The following BPIFB1 variants were observed in gnomAD, a reference collection of about 807,000 sequenced individuals.
BPIFB1 encodes BPI fold-containing family B member 1.
A neutral mutation model predicts 55.1 loss-of-function variants in BPIFB1; 34 were observed. The ratio of observed to expected loss-of-function variants is 0.62; its 90% confidence interval spans 0.47 to 0.82. The LOEUF (loss-of-function observed/expected upper bound fraction) is 0.82. Among genes scored for constraint, BPIFB1 ranks in the 40% least tolerant of loss-of-function variants. BPIFB1 has a pLI of 0.00. For synonymous variants in BPIFB1, 236 were observed against 245.3 expected, an observed-to-expected ratio of 0.96 and a Z score of 0.35; for missense variants, 532 against 593.1, an observed-to-expected ratio of 0.90 and a Z score of 1.07.
At chr20:33,305,613 G>A (rs905480846) in intron 13 of BPIFB1, among the ~76,000 whole-genome samples, 6 of 152,108 alleles carry the variant, frequency 3.9e-5, no homozygotes, top group East Asian at 1.9e-4. Flanking sequence ...CACCATGCCC[G>A]GTGACTAATA....
At chr20:33,302,877 G>A in intron 10 of BPIFB1, 39 bp from the exon 11 acceptor site, 1 of 1,607,994 alleles carries the variant, frequency 6.2e-7, no homozygotes, top group South Asian at 1.1e-5. Flanking sequence ...GCCATGGTGG[G>A]CACTTGGGAG....
intron 7 of BPIFB1, chr20:33,298,965 A>G: frequency 3.0e-6 from 1 of 329,086 alleles, no homozygotes; most frequent in Admixed American, 4.5e-5. Context: ...GACCTTATTG[A>G]CTTTAATATA....
rs553230398 is a variant in BPIFB1, at chr20:33,304,706, G to A, written c.1209-140G>A. 74 of 667,888 alleles carry A rather than the reference G, an allele frequency of 1.1e-4. 1 individual carries two copies. Among genetic ancestry groups the A allele is most frequent in the African/African-American group, 9.3e-4 (51 of 55,068 alleles). 41.4% of individuals were successfully genotyped at this position (667,888 alleles called of 1,614,324 possible). ...CCTGCCATTAGAATGCAAGCTCCAC[G>A]ACGCAAGGGCTTCATGTGGTTCACT... On this transcript the variant is annotated intron_variant, in intron 12 of 15. Transcript: ENST00000253354.
chr20:33,307,496 G>A (rs1432653015), intron 15 of BPIFB1: 2 of 163,774 alleles, frequency 1.2e-5, no homozygotes, highest in Admixed American at 6.1e-5. Context: ...GGCCAGGGAG[G>A]GCCTCTCTGA....
At chr20:33,290,887 G>C in intron 4 of BPIFB1, 70 bp from the exon 5 acceptor site, 1 of 1,549,458 alleles carries the variant, frequency 6.5e-7, no homozygotes, top group Non-Finnish European at 8.8e-7. Flanking sequence ...GGAAGACAGA[G>C]ACGGACGGCA....
chr20:33,294,782 G>A (rs748821009), intron 6 of BPIFB1, among the ~76,000 whole-genome samples: 1 of 152,202 alleles, frequency 6.6e-6, no homozygotes, highest in Non-Finnish European at 1.5e-5. Flanking sequence ...AACAATGTGT[G>A]AAAGCCGGCA....
At chr20:33,284,845 C>G (rs573666367) in intron 1 of BPIFB1, among the ~76,000 whole-genome samples, 3 of 152,222 alleles carry the variant, frequency 2.0e-5, no homozygotes, top group Non-Finnish European at 2.9e-5. Context: ...CCAAGCTCCT[C>G]TCCCTGGCAT....
At chr20:33,302,297 G>T (rs1005015190) in intron 9 of BPIFB1, 62 bp from the exon 10 acceptor site, 6 of 1,544,380 alleles carry the variant, frequency 3.9e-6, no homozygotes, top group Non-Finnish European at 5.4e-6. Context: ...CAGCAGTGGG[G>T]TGCAGGAGAT....
intron 11 of BPIFB1, 123 bp from the exon 12 acceptor site, chr20:33,303,835 A>G: frequency 1.1e-6 from 1 of 931,216 alleles, no homozygotes; most frequent in Non-Finnish European, 1.7e-6. Flanking sequence ...GAGAGGTCAA[A>G]CCCTTTGCCA....
chr20:33,298,033 A>C (rs1244315485), intron 7 of BPIFB1, among the ~76,000 whole-genome samples: 1 of 152,154 alleles, frequency 6.6e-6, no homozygotes, highest in Non-Finnish European at 1.5e-5. Context: ...ATGCATGCTA[A>C]ATGGATGGAT....
At chr20:33,301,504 A>G in intron 9 of BPIFB1, 92 bp downstream of exon 9, 2 of 1,247,364 alleles carry the variant, frequency 1.6e-6, no homozygotes, top group Non-Finnish European at 2.3e-6. Context: ...GGAATCCTCC[A>G]TCAGGCTCAG....
chr20:33,294,865 A>C (rs1360480239), intron 6 of BPIFB1, among the ~76,000 whole-genome samples: 1 of 152,224 alleles, frequency 6.6e-6, no homozygotes, highest in Non-Finnish European at 1.5e-5. Flanking sequence ...TTTATTTGGC[A>C]TGAAGGGAAA....
intron 5 of BPIFB1, among the ~76,000 whole-genome samples, chr20:33,291,658 T>G (rs1004735670): frequency 6.6e-6 from 1 of 152,080 alleles, no homozygotes; most frequent in Admixed American, 6.5e-5. Context: ...CAGGGAGAAA[T>G]GCCAGCTCCC....
chr20:33,303,917 T>A, intron 11 of BPIFB1, 41 bp from the exon 12 acceptor site: 1 of 1,606,190 alleles, frequency 6.2e-7, no homozygotes, highest in Non-Finnish European at 8.5e-7. Flanking sequence ...CACACTCGGA[T>A]CCTCTTGAGA....
In BPIFB1 at chr20:33,283,654, G is replaced by A. The variant is rs73111625; in HGVS notation, c.-42+400G>A. 7.8e-3 allele frequency among the ~76,000 whole-genome samples: 1,184 copies of A among 152,206 alleles called. 7 individuals are homozygous for A. The highest frequency in any genetic ancestry group is 0.012 in the Non-Finnish European group (826 of 68,016). ...GAAGACCCAGGGACATGGGAGTGGAGGACAGTCAAAGAAGGGATCCTGGAA... is the reference window on the plus strand; with the variant it reads ...GAAGACCCAGGGACATGGGAGTGGAAGACAGTCAAAGAAGGGATCCTGGAA... On this transcript the variant is annotated intron_variant, in intron 1 of 15. Transcript: ENST00000253354.
At position 33,291,116 on chromosome 20, in the gene BPIFB1, G is replaced by A. The variant is rs763364759; in HGVS notation, c.515+10G>A. ...TCCAACTGCTGCATAAGTGAGTGTC[G>A]CTGGCCACCAGCCGGGCTCCCATCC... On this transcript the variant is annotated intron_variant, in intron 5 of 15. Transcript: ENST00000253354. The A allele has an allele frequency of 9.3e-6, 15 of 1,608,078 alleles. No individual in the cohort carries two copies. The highest frequency in any genetic ancestry group is 1.6e-4 in the Middle Eastern group (1 of 6,062).
At chr20:33,304,393 T>C (rs1980951840) in intron 12 of BPIFB1, among the ~76,000 whole-genome samples, 1 of 152,192 alleles carries the variant, frequency 6.6e-6, no homozygotes, top group South Asian at 2.1e-4. Context: ...GTGCAGGGGC[T>C]GCCAGCTGGA....
intron 1 of BPIFB1, among the ~76,000 whole-genome samples, chr20:33,285,064 C>T (rs1457851517): frequency 6.6e-6 from 1 of 152,152 alleles, no homozygotes; most frequent in Admixed American, 6.5e-5. Flanking sequence ...CAACATTTCT[C>T]CAAGTGTGGT....
At chr20:33,285,916 C>T (rs1480943215) in intron 1 of BPIFB1, 117 bp from the exon 2 acceptor site, 2 of 626,770 alleles carry the variant, frequency 3.2e-6, no homozygotes, top group Non-Finnish European at 5.6e-6. Context: ...ACACAGCTAG[C>T]CCAGGCAGTT....
Sources: gnomAD v4.1 joint callset for allele counts (sites outside exome capture counted in the v4.1 genomes callset) on GRCh38, gnomAD v4.1.1 for gene constraint, MANE v1.5 for transcripts, NCBI Gene and HGNC (gene_info 2026-07-23, HGNC 2026-07-21) for gene names.